Variants in DPP10 observed in about 807,000 individuals in gnomAD.
DPP10 encodes inactive dipeptidyl peptidase 10.
In DPP10, 33 loss-of-function variants were observed where a neutral mutation model predicts 120.9. The ratio of observed to expected loss-of-function variants is 0.27; its 90% CI spans 0.21 to 0.37. The LOEUF (loss-of-function observed/expected upper bound fraction) is 0.37, where lower values mean the gene tolerates loss of function less well. Among genes scored for constraint, DPP10 ranks in the 10% least tolerant of loss-of-function variants. The pLI is 1.00. For synonymous variants in DPP10, 337 were observed against 326.1 expected (o/e 1.03, Z -0.36); for missense variants, 816 against 942.8 (o/e 0.87, Z 1.76).
At chr2:115,738,980 G>T (rs1042181817) in intron 8 of DPP10, among the ~76,000 whole-genome samples, 2 of 152,164 alleles carry the variant, frequency 1.3e-5, no homozygotes, top group African/African-American at 2.4e-5. Flanking sequence ...CAGCCAAGTT[G>T]TTAGCACTCC....
chr2:115,813,006 G>A (rs961541639), intron 19 of DPP10, among the ~76,000 whole-genome samples: 5 of 108,014 alleles, frequency 4.6e-5, no homozygotes, highest in Non-Finnish European at 6.5e-5. Flanking sequence ...ACGGAGTCTC[G>A]CTCTGTCGCC....
chr2:114,573,194 G>A (rs1013658503), intron 1 of DPP10, among the ~76,000 whole-genome samples: 2 of 152,134 alleles, frequency 1.3e-5, no homozygotes, highest in Admixed American at 6.5e-5. Flanking sequence ...ATGTTGTCCA[G>A]GCTGGTCTTG....
At chr2:115,337,327 A>G (rs180697442) in intron 2 of DPP10, among the ~76,000 whole-genome samples, 111 of 152,236 alleles carry the variant, frequency 7.3e-4, no homozygotes, top group Non-Finnish European at 1.3e-3. Context: ...GCTAAAAGGC[A>G]ATAAGAATAT....
At chr2:115,337,031 A>G (rs985032765) in intron 2 of DPP10, among the ~76,000 whole-genome samples, 1 of 152,098 alleles carries the variant, frequency 6.6e-6, no homozygotes. Context: ...AATGTGAGTA[A>G]TAAATGTTTG....
chr2:115,259,090 A>G (rs1041719932), intron 1 of DPP10, among the ~76,000 whole-genome samples: 5 of 152,112 alleles, frequency 3.3e-5, no homozygotes, highest in Non-Finnish European at 7.4e-5. Flanking sequence ...CCTTGCTAAC[A>G]TTTGTCTTCC....
chr2:115,191,523 T>A (rs926530529), intron 1 of DPP10, among the ~76,000 whole-genome samples: 1 of 152,188 alleles, frequency 6.6e-6, no homozygotes, highest in African/African-American at 2.4e-5. Flanking sequence ...AATAAGTAGG[T>A]GACCAGCAAT....
chr2:114,466,393 A>G (rs1324293064), intron 1 of DPP10, among the ~76,000 whole-genome samples: 2 of 152,204 alleles, frequency 1.3e-5, no homozygotes, highest in Admixed American at 6.5e-5. Flanking sequence ...AACAATTCAA[A>G]TCATCATGGA....
chr2:115,079,877 T>C (rs1708124209), intron 1 of DPP10, among the ~76,000 whole-genome samples: 1 of 152,196 alleles, frequency 6.6e-6, no homozygotes, highest in Non-Finnish European at 1.5e-5. Context: ...ACTAGTTGCC[T>C]CATTGTTGTT....
rs146891482 is a variant in DPP10, at chr2:115,021,699, A to G, written c.61-287540A>G. Among the ~76,000 whole-genome samples, 855 of 152,202 alleles carry G rather than the reference A, an allele frequency of 5.6e-3. 9 individuals are homozygous for G. The highest frequency in any genetic ancestry group is 0.019 in the African/African-American group (807 of 41,552). On this transcript the variant is annotated intron_variant, in intron 1 of 25. Transcript: ENST00000410059. ...ACCCTAATACCTAAACCAGTGAAGG[A>G]TGTAACAAAAAAAGAAAACTTCAGA...
intron 1 of DPP10, among the ~76,000 whole-genome samples, chr2:115,291,034 C>T (rs780031154): frequency 5.3e-5 from 8 of 152,008 alleles, no homozygotes; most frequent in African/African-American, 1.2e-4. Flanking sequence ...GGCAGGGTCT[C>T]GCTCTGTTGC....
chr2:114,885,574 T>G (rs2106619129), intron 1 of DPP10, among the ~76,000 whole-genome samples: 1 of 152,302 alleles, frequency 6.6e-6, no homozygotes, highest in Admixed American at 6.5e-5. Flanking sequence ...TATGAGAGAT[T>G]TATTACACAC....
intron 1 of DPP10, among the ~76,000 whole-genome samples, chr2:114,532,290 TATATATAC>T (rs1403707317): frequency 7.1e-5 from 4 of 56,726 alleles, no homozygotes; most frequent in South Asian, 8.1e-4. Context: ...TATATATATA[TATATATAC>T]ACACACACAC....
chr2:115,134,861 G>A (rs756515378), intron 1 of DPP10, among the ~76,000 whole-genome samples: 1 of 152,038 alleles, frequency 6.6e-6, no homozygotes, highest in African/African-American at 2.4e-5. Context: ...GTGTATTTTA[G>A]GACAAGGCTT....
chr2:115,199,825 C>A (rs373935189), intron 1 of DPP10, among the ~76,000 whole-genome samples: 1 of 152,088 alleles, frequency 6.6e-6, no homozygotes, highest in East Asian at 1.9e-4. Flanking sequence ...GCATAATTGA[C>A]AGGTTGCAGA....
At chr2:115,479,285 A>G (rs373317835) in intron 3 of DPP10, among the ~76,000 whole-genome samples, 129 of 152,254 alleles carry the variant, frequency 8.5e-4, no homozygotes, top group African/African-American at 2.9e-3. Context: ...AGGTTCATCC[A>G]TGCTAAGGGA....
At position 115,754,124 on chromosome 2, in the gene DPP10, A is replaced by G. The variant is rs565482636; in HGVS notation, c.1074+827A>G. Among the ~76,000 whole-genome samples the G allele has an allele frequency of 1.1e-4, 17 of 152,272 alleles. No individual in the cohort carries two copies. In the East Asian group the frequency reaches 2.9e-3, roughly 26 times the overall value. On this transcript the variant is annotated intron_variant, in intron 11 of 25. Coordinates refer to ENST00000410059, the MANE Select transcript of DPP10 (RefSeq NM_020868.6). Reference sequence around the variant, plus strand: ...TCAACCTTGCTATGACTTTCTATTCACAACACTTTTGAGACCAAATGGCAA... The same window carrying G: ...TCAACCTTGCTATGACTTTCTATTCGCAACACTTTTGAGACCAAATGGCAA...
chr2:114,457,196 C>T (rs572146118), intron 1 of DPP10, among the ~76,000 whole-genome samples: 1 of 152,316 alleles, frequency 6.6e-6, no homozygotes, highest in African/African-American at 2.4e-5. Flanking sequence ...TACAAATAAA[C>T]TATATCCATT....
At chr2:114,501,486 A>G (rs9308696) in intron 1 of DPP10, among the ~76,000 whole-genome samples, 19,298 of 152,172 alleles carry the variant, frequency 0.13, 2,919 homozygotes, top group African/African-American at 0.37. Context: ...AAAGCAATCC[A>G]TAATTTTCCA....
chr2:115,611,405 T>G (rs1022682579), intron 5 of DPP10, among the ~76,000 whole-genome samples: 2 of 152,194 alleles, frequency 1.3e-5, no homozygotes, highest in Non-Finnish European at 2.9e-5. Context: ...ATTATGGCTT[T>G]GCCAACATTT....
Sources: allele counts gnomAD v4.1 joint callset (sites outside exome capture counted in the v4.1 genomes callset), GRCh38; gene constraint gnomAD v4.1.1; transcripts MANE v1.5; gene names NCBI Gene and HGNC (gene_info 2026-07-23, HGNC 2026-07-21).